Variants in CNTN5 observed in about 807,000 individuals in gnomAD.
CNTN5 encodes the protein contactin 5.
CNTN5 carries 77 observed loss-of-function variants against 129.1 expected under a neutral mutation model. That is an observed-to-expected ratio of 0.60 (90% CI 0.50 to 0.72). CNTN5 has a LOEUF of 0.72. Among genes scored for constraint, CNTN5 ranks in the 30% least tolerant of loss-of-function variants. The pLI, the probability that CNTN5 is intolerant of heterozygous loss-of-function variation, is 0.00. For synonymous variants in CNTN5, 509 were observed against 465.6 expected, an observed-to-expected ratio of 1.09 and a Z score of -1.20; for missense variants, 1,478 against 1,328.8, an observed-to-expected ratio of 1.11 and a Z score of -1.75.
Position 100,071,777 on chromosome 11 carries a change from T to G in CNTN5, c.1372T>G (p.Cys458Gly). 6.2e-7 allele frequency: 1 copy of G among 1,606,530 alleles called. No homozygotes were observed. The highest frequency in any genetic ancestry group is 8.5e-7 in the Non-Finnish European group (1 of 1,176,038). The change falls in exon 12 of 25, where the codon TGT (cysteine) becomes GGT (glycine). Residue 458 changes from cysteine to glycine, a missense_variant. Cys to Gly is a radical substitution (Grantham distance 159). Transcript: ENST00000524871. ...VNQSDAGMYQ[C>G]LAENKYGAIY... ...TCAATCAGATGCTGGAATGTATCAG[T>G]GTTTGGCTGAAAATAAGTATGGAGC...
intron 1 of CNTN5, among the ~76,000 whole-genome samples, chr11:99,279,017 A>G (rs138163642): frequency 3.3e-5 from 5 of 151,906 alleles, no homozygotes; most frequent in Admixed American, 1.3e-4. Flanking sequence ...AAATATTGAC[A>G]TATTATAATG....
chr11:99,833,132 G>A (rs1334548086), intron 4 of CNTN5, among the ~76,000 whole-genome samples: 1 of 152,140 alleles, frequency 6.6e-6, no homozygotes, highest in East Asian at 1.9e-4. Flanking sequence ...CCTGGCTGCA[G>A]GAGTCTCAGA....
intron 2 of CNTN5, among the ~76,000 whole-genome samples, chr11:99,394,735 C>A (rs1941433066): frequency 2.0e-5 from 3 of 151,592 alleles, no homozygotes; most frequent in Admixed American, 1.3e-4. Context: ...GTATAGTTCC[C>A]CTCCATGTGC....
intron 3 of CNTN5, among the ~76,000 whole-genome samples, chr11:99,566,437 A>G (rs1439786256): frequency 6.6e-6 from 1 of 152,198 alleles, no homozygotes; most frequent in East Asian, 1.9e-4. Flanking sequence ...ACTAACACAC[A>G]TGCACAAGGG....
intron 4 of CNTN5, among the ~76,000 whole-genome samples, chr11:99,836,276 A>C: frequency 6.7e-6 from 1 of 149,606 alleles, no homozygotes; most frequent in African/African-American, 2.5e-5. Context: ...TATATCTCCT[A>C]ATGCTATCCC....
chr11:99,118,223 G>A (rs79497328), intron 1 of CNTN5, among the ~76,000 whole-genome samples: 4,396 of 152,102 alleles, frequency 0.029, 77 homozygotes, highest in East Asian at 0.066. Flanking sequence ...AGTACCACAC[G>A]TTCAAATACT....
chr11:99,187,343 C>G (rs1430735173), intron 1 of CNTN5, among the ~76,000 whole-genome samples: 1 of 151,636 alleles, frequency 6.6e-6, no homozygotes, highest in Non-Finnish European at 1.5e-5. Flanking sequence ...ATGTATAACC[C>G]TGCCCATCTA....
At chr11:99,239,699 G>A (rs1227069732) in intron 1 of CNTN5, among the ~76,000 whole-genome samples, 1 of 152,186 alleles carries the variant, frequency 6.6e-6, no homozygotes, top group African/African-American at 2.4e-5. Flanking sequence ...ACTTTGGGAG[G>A]CCGAGGCGGG....
rs192654815 is a variant in CNTN5, at chr11:99,153,684, G to A, written c.-210+132414G>A. On this transcript the variant is annotated intron_variant, in intron 1 of 24. Coordinates refer to ENST00000524871, the MANE Select transcript of CNTN5 (RefSeq NM_014361.4). The stretch of plus-strand genomic sequence containing the variant: ...GTTAAGAACCATTGCTATTTCTGGG[G>A]TATGAGTGCAGTTGTTTGGAGGTGA... Among the ~76,000 whole-genome samples, 8 of 152,070 alleles carry A rather than the reference G, an allele frequency of 5.3e-5. No homozygotes were observed. The East Asian group carries it at 5.8e-4, about 11-fold the overall frequency.
intron 20 of CNTN5, among the ~76,000 whole-genome samples, chr11:100,301,742 A>G (rs1951225372): frequency 6.6e-6 from 1 of 151,744 alleles, no homozygotes; most frequent in Middle Eastern, 3.4e-3. Context: ...CACACTAACT[A>G]GACCATCTTG....
At chr11:99,778,529 C>G (rs569585702) in intron 3 of CNTN5, among the ~76,000 whole-genome samples, 2 of 151,778 alleles carry the variant, frequency 1.3e-5, no homozygotes, top group South Asian at 4.1e-4. Context: ...TATTCCCCAT[C>G]AAATTGTGGA....
intron 1 of CNTN5, among the ~76,000 whole-genome samples, chr11:99,162,303 G>T (rs1336492785): frequency 1.3e-5 from 2 of 151,402 alleles, no homozygotes; most frequent in African/African-American, 2.4e-5. Flanking sequence ...ATTGATAAAA[G>T]AAGAGAGCCT....
At chr11:99,216,958 G>A (rs1358745789) in intron 1 of CNTN5, among the ~76,000 whole-genome samples, 1 of 152,136 alleles carries the variant, frequency 6.6e-6, no homozygotes, top group Non-Finnish European at 1.5e-5. Flanking sequence ...GCCGAGGCAG[G>A]CAAATCGTGA....
At chr11:99,898,308 G>T (rs1949263150) in intron 6 of CNTN5, among the ~76,000 whole-genome samples, 1 of 151,802 alleles carries the variant, frequency 6.6e-6, no homozygotes, top group Admixed American at 6.6e-5. Context: ...GAAATTGATA[G>T]AATGCTAGCT....
At chr11:100,321,614 C>T (rs1009519908) in intron 21 of CNTN5, among the ~76,000 whole-genome samples, 4 of 152,128 alleles carry the variant, frequency 2.6e-5, no homozygotes, top group Admixed American at 2.0e-4. Context: ...AGTATGCATC[C>T]TTGTCTTTTT....
chr11:99,739,401 T>C (rs1042182710), intron 3 of CNTN5, among the ~76,000 whole-genome samples: 6 of 152,208 alleles, frequency 3.9e-5, no homozygotes, highest in Admixed American at 2.6e-4. Flanking sequence ...GAAATTTAAC[T>C]TCAAGACAGA....
chr11:100,273,717 G>A (rs1269829464), intron 18 of CNTN5, among the ~76,000 whole-genome samples: 2 of 152,126 alleles, frequency 1.3e-5, no homozygotes, highest in Non-Finnish European at 2.9e-5. Flanking sequence ...TGTGGTGAAT[G>A]TCCCCAGGGA....
At chr11:99,435,501 C>A (rs1943563829) in intron 2 of CNTN5, among the ~76,000 whole-genome samples, 1 of 152,118 alleles carries the variant, frequency 6.6e-6, no homozygotes, top group Non-Finnish European at 1.5e-5. Context: ...CTGCTGTAGA[C>A]AGAAATGACA....
At chr11:99,725,107 T>A (rs566227436) in intron 3 of CNTN5, among the ~76,000 whole-genome samples, 1 of 152,306 alleles carries the variant, frequency 6.6e-6, no homozygotes, top group African/African-American at 2.4e-5. Flanking sequence ...GTTGTGTAAT[T>A]ATCTGTGTAA....
Sources: gnomAD v4.1 joint callset for allele counts (sites outside exome capture counted in the v4.1 genomes callset) on GRCh38, gnomAD v4.1.1 for gene constraint, MANE v1.5 for transcripts, NCBI Gene and HGNC (gene_info 2026-07-23, HGNC 2026-07-21) for gene names.